The following SLC6A11 variants were observed in gnomAD, a reference collection of about 807,000 sequenced individuals.
SLC6A11 encodes the protein sodium- and chloride-dependent GABA transporter 3.
In SLC6A11, 25 loss-of-function variants were observed where a neutral mutation model predicts 74.8. That is an observed-to-expected ratio of 0.33 (90% CI 0.24 to 0.47). The LOEUF is 0.47. Ranked by LOEUF, SLC6A11 falls within the 20% of genes least tolerant of loss-of-function variation. The pLI is 1.00. For missense variants in SLC6A11, 574 were observed against 837.0 expected (o/e 0.69, Z 3.88); for synonymous variants, 330 against 330.2 (o/e 1.00, Z 0.01).
chr3:10,881,949 C>T (rs1432205076), intron 6 of SLC6A11, among the ~76,000 whole-genome samples: 1 of 152,194 alleles, frequency 6.6e-6, no homozygotes, highest in African/African-American at 2.4e-5. Context: ...CACAGGGCGT[C>T]TGACTGGTAC....
At chr3:10,824,741 C>T (rs1184813064) in intron 4 of SLC6A11, 1 of 152,158 alleles carries the variant, frequency 6.6e-6, no homozygotes, top group Non-Finnish European at 1.5e-5. Flanking sequence ...TCTTGGTCCT[C>T]TTGATGGGCA....
chr3:10,938,186 C>T, intron 13 of SLC6A11, 64 bp from the exon 14 acceptor site: 1 of 1,474,260 alleles, frequency 6.8e-7, no homozygotes, highest in African/African-American at 1.4e-5. Flanking sequence ...TGGGAGAGGC[C>T]ACGGCAGACC....
intron 6 of SLC6A11, among the ~76,000 whole-genome samples, chr3:10,892,673 A>G (rs1412469980): frequency 6.7e-6 from 1 of 149,930 alleles, no homozygotes; most frequent in Non-Finnish European, 1.5e-5. Flanking sequence ...TAGCAGTTGT[A>G]TGTGTCTGAT....
intron 6 of SLC6A11, among the ~76,000 whole-genome samples, chr3:10,878,827 C>G (rs1215442776): frequency 2.0e-5 from 3 of 152,166 alleles, no homozygotes; most frequent in African/African-American, 7.2e-5. Flanking sequence ...ACCTACATAT[C>G]CTATATATTT....
chr3:10,934,936 C>T, intron 12 of SLC6A11, 93 bp from the exon 13 acceptor site: 4 of 1,120,912 alleles, frequency 3.6e-6, no homozygotes, highest in Non-Finnish European at 5.2e-6. Context: ...CCCCTGCCAG[C>T]CTCTGGCTAG....
At chr3:10,901,818 G>A (rs1695244439) in intron 6 of SLC6A11, among the ~76,000 whole-genome samples, 1 of 152,228 alleles carries the variant, frequency 6.6e-6, no homozygotes, top group South Asian at 2.1e-4. Context: ...CAACCCAGAG[G>A]AGGCTGAGAA....
At chr3:10,857,112 GAGTA>G (rs1694647172) in intron 5 of SLC6A11, among the ~76,000 whole-genome samples, 1 of 152,182 alleles carries the variant, frequency 6.6e-6, no homozygotes, top group Non-Finnish European at 1.5e-5. Flanking sequence ...CATGATTCTG[GAGTA>G]AGTGTTGTCA....
intron 12 of SLC6A11, among the ~76,000 whole-genome samples, chr3:10,934,547 T>C (rs1695733589): frequency 6.6e-6 from 1 of 152,230 alleles, no homozygotes; most frequent in African/African-American, 2.4e-5. Flanking sequence ...GGGTTCATGC[T>C]CTGCCTGAGA....
In SLC6A11 at chr3:10,935,088, C is replaced by T; in HGVS notation, c.1635C>T (p.Thr545=). Residue 545 remains threonine (T), a synonymous_variant, in exon 13 of 14, where the codon ACC becomes ACT. Transcript: ENST00000254488. ...YKPLKYNNIY[T]YPAWGYGIGW... is the part of the protein sequence containing the mutation. ...CACTCAAGTACAACAACATCTACAC[C>T]TACCCAGCCTGGGGCTATGGCATTG... 2 of 1,614,134 alleles carry T rather than the reference C, an allele frequency of 1.2e-6. No homozygotes were observed. Among genetic ancestry groups the T allele is most frequent in the African/African-American group, 2.7e-5 (2 of 75,048 alleles).
intron 6 of SLC6A11, among the ~76,000 whole-genome samples, chr3:10,902,647 C>T (rs1466138385): frequency 6.6e-6 from 1 of 152,170 alleles, no homozygotes; most frequent in African/African-American, 2.4e-5. Flanking sequence ...GAGCAGAGCT[C>T]CAAGCTGGGT....
At chr3:10,888,826 T>G (rs998876119) in intron 6 of SLC6A11, among the ~76,000 whole-genome samples, 3 of 152,216 alleles carry the variant, frequency 2.0e-5, no homozygotes, top group Admixed American at 6.5e-5. Context: ...TTATGTTTAT[T>G]CATCCACCAA....
At chr3:10,869,620 A>G (rs1342294177) in intron 5 of SLC6A11, among the ~76,000 whole-genome samples, 1 of 152,234 alleles carries the variant, frequency 6.6e-6, no homozygotes, top group Non-Finnish European at 1.5e-5. Flanking sequence ...AGTCTGGGGA[A>G]GGGTGGAGAC....
chr3:10,848,762 A>G (rs1361051509), intron 5 of SLC6A11, among the ~76,000 whole-genome samples: 3 of 152,184 alleles, frequency 2.0e-5, no homozygotes, highest in Admixed American at 6.5e-5. Flanking sequence ...AAAAAATACA[A>G]CTTGGGGATT....
chr3:10,908,702 C>T (rs1160844016), intron 6 of SLC6A11, among the ~76,000 whole-genome samples: 1 of 152,042 alleles, frequency 6.6e-6, no homozygotes, highest in Non-Finnish European at 1.5e-5. Context: ...AGATGGAGTG[C>T]TATGTAAAAT....
intron 5 of SLC6A11, among the ~76,000 whole-genome samples, chr3:10,873,369 G>T (rs2581202): frequency 1 from 148,088 of 148,092 alleles, 74,042 homozygotes; most frequent in Middle Eastern, 1. Context: ...CCTCCCCTAT[G>T]CTCACCTTCA....
intron 8 of SLC6A11, among the ~76,000 whole-genome samples, chr3:10,920,469 C>T (rs1430972333): frequency 6.6e-6 from 1 of 152,284 alleles, no homozygotes; most frequent in East Asian, 1.9e-4. Flanking sequence ...GAGCTTACCC[C>T]TCAGTAAAAA....
At chr3:10,937,074 A>G (rs1695768150) in intron 13 of SLC6A11, among the ~76,000 whole-genome samples, 1 of 152,104 alleles carries the variant, frequency 6.6e-6, no homozygotes, top group African/African-American at 2.4e-5. Context: ...ATCTAGAGGG[A>G]AAAATGAGGA....
At chr3:10,849,984 C>A (rs1694553313) in intron 5 of SLC6A11, among the ~76,000 whole-genome samples, 1 of 152,052 alleles carries the variant, frequency 6.6e-6, no homozygotes, top group Admixed American at 6.5e-5. Context: ...TCCATTCACC[C>A]ATATATTATC....
intron 6 of SLC6A11, among the ~76,000 whole-genome samples, chr3:10,911,720 C>G (rs770876252): frequency 2.0e-5 from 3 of 152,122 alleles, no homozygotes; most frequent in Non-Finnish European, 4.4e-5. Context: ...ATCCTTGCAA[C>G]AGTCCTGGTA....
Sources: gnomAD v4.1 joint callset for allele counts (sites outside exome capture counted in the v4.1 genomes callset) on GRCh38, gnomAD v4.1.1 for gene constraint, MANE v1.5 for transcripts, NCBI Gene and HGNC (gene_info 2026-07-23, HGNC 2026-07-21) for gene names.